SYN2: variants seen among roughly 807,000 people sequenced by gnomAD.
SYN2 encodes synapsin-2.
SYN2 carries 19 observed loss-of-function variants against 50.9 expected under a neutral mutation model. That is an observed-to-expected ratio of 0.37 (90% CI 0.26 to 0.55). The LOEUF (loss-of-function observed/expected upper bound fraction) is 0.55, where lower values mean the gene tolerates loss of function less well. Among genes scored for constraint, SYN2 ranks in the 20% least tolerant of loss-of-function variants. The pLI, the probability that SYN2 is intolerant of heterozygous loss-of-function variation, is 0.81. For synonymous variants in SYN2, 255 were observed against 224.9 expected (o/e 1.13, Z -1.20); for missense variants, 587 against 576.4 (o/e 1.02, Z -0.19).
intron 1 of SYN2, 34 bp from the exon 2 acceptor site, chr3:12,140,617 A>G: frequency 1.4e-6 from 1 of 735,816 alleles, no homozygotes; most frequent in Non-Finnish European, 2.5e-6. Flanking sequence ...TACTTGCACA[A>G]AACTAATTTG....
At chr3:12,076,595 A>T (rs1032524613) in intron 1 of SYN2, among the ~76,000 whole-genome samples, 1 of 151,960 alleles carries the variant, frequency 6.6e-6, no homozygotes, top group Non-Finnish European at 1.5e-5. Flanking sequence ...GATAATACCT[A>T]CGTTTTTATC....
chr3:12,182,657 C>T (rs966164814), intron 10 of SYN2, among the ~76,000 whole-genome samples: 7 of 152,332 alleles, frequency 4.6e-5, no homozygotes, highest in African/African-American at 1.7e-4. Context: ...CAAATGACGA[C>T]CCCTTTCTTT....
intron 1 of SYN2, among the ~76,000 whole-genome samples, chr3:12,139,658 A>G (rs1219636083): frequency 2.0e-5 from 3 of 152,216 alleles, no homozygotes; most frequent in Non-Finnish European, 4.4e-5. Context: ...ATGATGCCCA[A>G]TAAATATTGG....
At chr3:12,187,042 C>G (rs1399860038) in intron 11 of SYN2, among the ~76,000 whole-genome samples, 1 of 152,138 alleles carries the variant, frequency 6.6e-6, no homozygotes, top group East Asian at 1.9e-4. Flanking sequence ...CCTGAGACAC[C>G]TCTAGAGAGG....
At chr3:12,163,742 T>C (rs943249925) in intron 7 of SYN2, among the ~76,000 whole-genome samples, 3 of 152,218 alleles carry the variant, frequency 2.0e-5, no homozygotes, top group Non-Finnish European at 4.4e-5. Flanking sequence ...ATATTTATAA[T>C]CTTCCTGCTT....
chr3:12,140,707 A>G lies in SYN2; in HGVS notation c.434A>G (p.Gln145Arg), dbSNP rs1416525870. The change falls in exon 2 of 13, where the codon CAG (glutamine) becomes CGG (arginine). Residue 145 changes from glutamine to arginine, a missense_variant and splice_region_variant. Gln to Arg is a conservative substitution (Grantham distance 43, BLOSUM62 1). Transcript: ENST00000621198. ...VLGDYDIKVE[Q>R]AEFSELNLVA... is the part of the protein sequence containing the mutation. ...GGAGATTATGATATCAAGGTGGAAC[A>G]GGTAATCAGCCTGAAGCCCAGAGCT... 1 of 759,748 alleles carries G rather than the reference A, an allele frequency of 1.3e-6. No homozygotes were observed. The highest frequency in any genetic ancestry group is 1.7e-5 in the African/African-American group (1 of 59,028). The allele number at this position is 759,748 out of a possible 1,614,324, so 47.1% of individuals were successfully genotyped here.
chr3:12,072,268 T>C (rs1421334884), intron 1 of SYN2, among the ~76,000 whole-genome samples: 2 of 152,210 alleles, frequency 1.3e-5, no homozygotes, highest in Non-Finnish European at 2.9e-5. Context: ...GCAAATATTT[T>C]CTCCTGTTCT....
chr3:12,115,730 A>G (rs1212312592), intron 1 of SYN2, among the ~76,000 whole-genome samples: 1 of 152,050 alleles, frequency 6.6e-6, no homozygotes, highest in Non-Finnish European at 1.5e-5. Context: ...AGGGTAAAAG[A>G]TTATGTTTTG....
At chr3:12,085,131 G>A (rs939489049) in intron 1 of SYN2, among the ~76,000 whole-genome samples, 3 of 149,558 alleles carry the variant, frequency 2.0e-5, no homozygotes, top group African/African-American at 7.4e-5. Flanking sequence ...AAAATATGTT[G>A]CCTACAAGAG....
intron 5 of SYN2, chr3:12,158,584 G>A: frequency 6.8e-7 from 1 of 1,466,860 alleles, no homozygotes; most frequent in Non-Finnish European, 9.2e-7. Flanking sequence ...CTCAGCAAGA[G>A]ACAACCGGTA....
At chr3:12,177,524 G>A (rs1698107826) in intron 10 of SYN2, among the ~76,000 whole-genome samples, 1 of 152,096 alleles carries the variant, frequency 6.6e-6, no homozygotes, top group Admixed American at 6.6e-5. Flanking sequence ...AGTTAGGGAG[G>A]GGTCTCTGAT....
intron 1 of SYN2, among the ~76,000 whole-genome samples, chr3:12,103,986 C>T (rs1696127546): frequency 6.6e-6 from 1 of 151,990 alleles, no homozygotes; most frequent in Non-Finnish European, 1.5e-5. Context: ...AAACACAGAG[C>T]ATGAAAGTGA....
intron 12 of SYN2, 70 bp downstream of exon 12, chr3:12,187,682 T>C: frequency 2.1e-6 from 3 of 1,460,000 alleles, no homozygotes; most frequent in Non-Finnish European, 2.7e-6. Flanking sequence ...GCTCCAGAGC[T>C]GCTAGAAATC....
At chr3:12,167,936 G>A (rs1697842377) in intron 8 of SYN2, among the ~76,000 whole-genome samples, 1 of 152,232 alleles carries the variant, frequency 6.6e-6, no homozygotes, top group African/African-American at 2.4e-5. Context: ...CCATAGCAAA[G>A]AACTTGGCCG....
At chr3:12,048,777 A>G (rs1694794124) in intron 1 of SYN2, among the ~76,000 whole-genome samples, 1 of 152,236 alleles carries the variant, frequency 6.6e-6, no homozygotes. Context: ...CAGGAAAGAT[A>G]ATATGCCCAA....
rs1191646156 is a variant in SYN2 at position 12,105,587 on chromosome 3, G to A, written c.378-35064G>A. Among the ~76,000 whole-genome samples, 6 of 150,864 alleles carry A rather than the reference G, an allele frequency of 4.0e-5. No individual in the cohort carries two copies. The South Asian group carries it at 1.1e-3, about 27-fold the overall frequency. ...GACAACCATGCTCTAGGGCAACTCC[G>A]GTGCTTTGTAAAGAAGGAGAACATC... On this transcript the variant is annotated intron_variant, in intron 1 of 12. Transcript: ENST00000621198.
intron 1 of SYN2, among the ~76,000 whole-genome samples, chr3:12,006,839 T>A (rs1035572385): frequency 2.6e-5 from 4 of 152,196 alleles, no homozygotes; most frequent in African/African-American, 9.7e-5. Flanking sequence ...GAGTGGTTAG[T>A]GAGAGCCAGA....
chr3:12,089,215 A>T (rs1206385036), intron 1 of SYN2, among the ~76,000 whole-genome samples: 2 of 152,230 alleles, frequency 1.3e-5, no homozygotes, highest in Non-Finnish European at 2.9e-5. Context: ...ACAGTTCCAC[A>T]TGGCTGGGGA....
chr3:12,107,691 C>G (rs181108615), intron 1 of SYN2, among the ~76,000 whole-genome samples: 85 of 152,254 alleles, frequency 5.6e-4, no homozygotes, highest in Non-Finnish European at 1.0e-3. Context: ...ATTGCTTGAG[C>G]TCAGGAGTTC....
Sources: allele counts gnomAD v4.1 joint callset (sites outside exome capture counted in the v4.1 genomes callset), GRCh38; gene constraint gnomAD v4.1.1; transcripts MANE v1.5; gene names NCBI Gene and HGNC (gene_info 2026-07-23, HGNC 2026-07-21).